The following CNBD1 variants were observed in gnomAD, a reference collection of about 807,000 sequenced individuals.
CNBD1 encodes cyclic nucleotide binding domain containing 1, also known as cyclic nucleotide-binding domain-containing protein 1.
Under a neutral mutation model 54.4 loss-of-function variants are expected in CNBD1, and 71 were observed. That is an observed-to-expected ratio of 1.30 (90% CI 1.08 to 1.59). The LOEUF (loss-of-function observed/expected upper bound fraction) is 1.59. CNBD1 is among the 40% of genes most tolerant of loss of function. The pLI, the probability that CNBD1 is intolerant of heterozygous loss-of-function variation, is 0.00. For synonymous variants in CNBD1, 182 were observed against 170.7 expected, an observed-to-expected ratio of 1.07 and a Z score of -0.51; for missense variants, 659 against 518.0, an observed-to-expected ratio of 1.27 and a Z score of -2.64.
chr8:87,195,640 C>T (rs1268981083), intron 4 of CNBD1, among the ~76,000 whole-genome samples: 1 of 150,578 alleles, frequency 6.6e-6, no homozygotes, highest in East Asian at 2.0e-4. Flanking sequence ...ATGGTGCAAT[C>T]TCGGCTCACT....
intron 4 of CNBD1, among the ~76,000 whole-genome samples, chr8:86,999,382 C>T (rs1408134864): frequency 2.0e-5 from 3 of 152,146 alleles, no homozygotes; most frequent in Non-Finnish European, 4.4e-5. Flanking sequence ...TACTGGGAAC[C>T]TCCATGCACA....
chr8:87,142,470 G>T (rs1292096195), intron 4 of CNBD1, among the ~76,000 whole-genome samples: 1 of 152,094 alleles, frequency 6.6e-6, no homozygotes, highest in Non-Finnish European at 1.5e-5. Flanking sequence ...AGACAGGCTT[G>T]TTTTAACATT....
At chr8:87,100,845 T>C (rs942543488) in intron 4 of CNBD1, among the ~76,000 whole-genome samples, 2 of 152,132 alleles carry the variant, frequency 1.3e-5, no homozygotes, top group Non-Finnish European at 2.9e-5. Flanking sequence ...GCTGGAAAAT[T>C]TAAATGGGAA....
intron 8 of CNBD1, among the ~76,000 whole-genome samples, chr8:87,321,775 GTCATCAGGCTTTTT>G (rs1019331591): frequency 2.0e-5 from 3 of 148,994 alleles, no homozygotes; most frequent in African/African-American, 7.4e-5. Context: ...CAAGACCAAT[GTCATCAGGCTTTTT>G]TCTTTTTCTT....
chr8:86,882,564 G>C (rs1479157301), intron 1 of CNBD1, among the ~76,000 whole-genome samples: 2 of 152,182 alleles, frequency 1.3e-5, no homozygotes, highest in African/African-American at 2.4e-5. Flanking sequence ...CTTACACCCT[G>C]TTGGTGGGAC....
intron 3 of CNBD1, among the ~76,000 whole-genome samples, chr8:86,910,882 G>A (rs569178209): frequency 3.9e-5 from 6 of 152,306 alleles, no homozygotes; most frequent in Admixed American, 3.9e-4. Context: ...GTGAAGTGCA[G>A]GAGGTTTTAT....
At chr8:87,139,943 T>C (rs1316428798) in intron 4 of CNBD1, among the ~76,000 whole-genome samples, 1 of 152,154 alleles carries the variant, frequency 6.6e-6, no homozygotes, top group Non-Finnish European at 1.5e-5. Flanking sequence ...AATTACAGAA[T>C]AATTTTCAGA....
chr8:87,369,976 T>C (rs974206076), intron 10 of CNBD1, among the ~76,000 whole-genome samples: 1 of 151,612 alleles, frequency 6.6e-6, no homozygotes, highest in African/African-American at 2.4e-5. Context: ...GAACATGCAG[T>C]GTTTGGTTTT....
At chr8:87,375,266 A>C (rs1232706302) in intron 10 of CNBD1, among the ~76,000 whole-genome samples, 1 of 151,912 alleles carries the variant, frequency 6.6e-6, no homozygotes, top group East Asian at 1.9e-4. Flanking sequence ...TAGTTTAGTT[A>C]CAAATTTCCA....
At chr8:87,415,852 T>C (rs192622758) in intron 2 of CNBD1, among the ~76,000 whole-genome samples, 4 of 152,074 alleles carry the variant, frequency 2.6e-5, no homozygotes, top group East Asian at 1.9e-4. Flanking sequence ...AATAGAAGTA[T>C]ATTACCTAAA....
intron 10 of CNBD1, among the ~76,000 whole-genome samples, chr8:87,372,268 C>T (rs951047843): frequency 1.3e-5 from 2 of 151,804 alleles, no homozygotes; most frequent in South Asian, 2.1e-4. Context: ...ATACCTAGTG[C>T]TGCTTTCAAG....
At chr8:87,395,684 T>G (rs1045811687) in intron 2 of CNBD1, among the ~76,000 whole-genome samples, 2 of 151,874 alleles carry the variant, frequency 1.3e-5, no homozygotes, top group African/African-American at 4.8e-5. Context: ...CCATGCATTT[T>G]AGAAGTTCAT....
chr8:86,963,132 C>T (rs1002212940), intron 4 of CNBD1, among the ~76,000 whole-genome samples: 2 of 152,092 alleles, frequency 1.3e-5, no homozygotes, highest in African/African-American at 2.4e-5. Context: ...TTATTTCGAC[C>T]TTATATCCCT....
chr8:87,367,444 C>T (rs1029340420), intron 10 of CNBD1, among the ~76,000 whole-genome samples: 14 of 152,102 alleles, frequency 9.2e-5, no homozygotes, highest in African/African-American at 1.2e-4. Flanking sequence ...CAGAACTCTT[C>T]GAGAAATCTG....
chr8:87,403,026 T>C (rs1276477400), intron 2 of CNBD1, among the ~76,000 whole-genome samples: 2 of 152,076 alleles, frequency 1.3e-5, no homozygotes, highest in East Asian at 3.9e-4. Context: ...GAATTCAAAT[T>C]GACTAGCTAA....
chr8:87,387,671 C>T (rs1037206283), downstream of CNBD1, among the ~76,000 whole-genome samples: 1 of 152,048 alleles, frequency 6.6e-6, no homozygotes, highest in African/African-American at 2.4e-5. Flanking sequence ...ACCTTAACAC[C>T]CCACTGTCAA....
chr8:87,102,841 C>T (rs1586258029), intron 4 of CNBD1, among the ~76,000 whole-genome samples: 1 of 152,088 alleles, frequency 6.6e-6, no homozygotes, highest in Non-Finnish European at 1.5e-5. Context: ...GTCTCAATCT[C>T]CTGACTTCGT....
At chr8:87,189,716 C>T (rs1183106947) in intron 4 of CNBD1, among the ~76,000 whole-genome samples, 3 of 152,072 alleles carry the variant, frequency 2.0e-5, no homozygotes. Flanking sequence ...GTGCACTCCG[C>T]GAATGACCAA....
rs559563652 is a variant in CNBD1 at position 87,301,105 on chromosome 8, T to C, written c.1042+14434T>C. Among the ~76,000 whole-genome samples the C allele has an allele frequency of 1.7e-4, 26 of 152,140 alleles. No individual in the cohort carries two copies. In the East Asian group the frequency reaches 1.9e-3, roughly 11 times the overall value. ...CATAAACTAGAAGACCTAGAAGAGA[T>C]GGATAAATTCCTGGAAAAAATACAA... On this transcript the variant is annotated intron_variant, in intron 8 of 10. Coordinates refer to ENST00000518476, the MANE Select transcript of CNBD1 (RefSeq NM_173538.3).
Sources: allele counts gnomAD v4.1 joint callset (sites outside exome capture counted in the v4.1 genomes callset), GRCh38; gene constraint gnomAD v4.1.1; transcripts MANE v1.5; gene names NCBI Gene and HGNC (gene_info 2026-07-23, HGNC 2026-07-21).